The following GRAP2 variants were observed in gnomAD, a reference collection of about 807,000 sequenced individuals.
GRAP2 encodes the protein GRB2-related adapter protein 2.
Under a neutral mutation model 43.5 loss-of-function variants are expected in GRAP2, and 31 were observed. The ratio of observed to expected loss-of-function variants is 0.71; its 90% CI spans 0.54 to 0.96. GRAP2 has a LOEUF of 0.96. Ranked by LOEUF, GRAP2 falls within the 40% of genes least tolerant of loss-of-function variation. GRAP2 has a pLI of 0.00. For synonymous variants in GRAP2, 156 were observed against 164.8 expected (o/e 0.95, Z 0.41); for missense variants, 371 against 424.4 (o/e 0.87, Z 1.11).
chr22:39,921,116 T>C (rs886905262), intron 1 of GRAP2, among the ~76,000 whole-genome samples: 3 of 152,168 alleles, frequency 2.0e-5, no homozygotes, highest in Admixed American at 2.0e-4. Flanking sequence ...TGAGCTTAGC[T>C]TCAGGCCTCC....
upstream of GRAP2, among the ~76,000 whole-genome samples, chr22:39,896,937 T>C (rs2066468361): frequency 6.6e-6 from 1 of 152,196 alleles, no homozygotes; most frequent in Non-Finnish European, 1.5e-5. Context: ...CGGACACCAT[T>C]TCTCCTTCTC....
chr22:39,947,232 C>T lies in GRAP2; in HGVS notation c.78+48C>T, dbSNP rs572701613. The T allele has an allele frequency of 7.8e-5, 67 of 862,050 alleles. 1 individual carries two copies. In the South Asian group the frequency reaches 8.0e-4, roughly 10 times the overall value. 53.4% of individuals were successfully genotyped at this position (862,050 alleles called of 1,614,324 possible). A position where few individuals can be genotyped will look rare whatever the true frequency, so the allele number is the denominator to read the frequency against. ...GGAGCAGTAGGGAGTTTCAGTTACT[C>T]AGTAATCTGACAGTCCCTGCCTTTG... On this transcript the variant is annotated intron_variant, in intron 2 of 7. Coordinates refer to ENST00000344138, the MANE Select transcript of GRAP2 (RefSeq NM_004810.4).
intron 1 of GRAP2, among the ~76,000 whole-genome samples, chr22:39,942,297 G>A (rs1411588705): frequency 2.0e-5 from 3 of 152,116 alleles, no homozygotes; most frequent in Non-Finnish European, 4.4e-5. Flanking sequence ...CTCCTCTACT[G>A]TCTCCGAGAG....
chr22:39,943,830 C>G (rs1228547754), intron 1 of GRAP2, among the ~76,000 whole-genome samples: 1 of 151,552 alleles, frequency 6.6e-6, no homozygotes, highest in African/African-American at 2.4e-5. Context: ...AGTGATTCTC[C>G]TGCCTCAGCC....
chr22:39,912,424 GA>G (rs1365933490), intron 1 of GRAP2, among the ~76,000 whole-genome samples: 1 of 152,016 alleles, frequency 6.6e-6, no homozygotes, highest in South Asian at 2.1e-4. Context: ...CTTGTCTCTG[GA>G]AAAAAAGTAC....
At chr22:39,967,538 C>T (rs1009547559) in intron 5 of GRAP2, among the ~76,000 whole-genome samples, 1 of 152,176 alleles carries the variant, frequency 6.6e-6, no homozygotes. Context: ...CTTACTTCTT[C>T]CCCCACGTCC....
chr22:39,970,992 C>A lies in GRAP2; in HGVS notation c.901C>A (p.Leu301Met). The A allele has an allele frequency of 6.2e-7, 1 of 1,613,642 alleles. No individual in the cohort carries two copies. The highest frequency in any genetic ancestry group is 1.1e-5 in the South Asian group (1 of 91,020). ...GFHSGEVVEVLDSSNPSWWTG... is the reference protein window; with the variant it reads ...GFHSGEVVEVMDSSNPSWWTG... ...CCACAGCGGGGAGGTGGTGGAGGTC[C>A]TGGATAGCTCCAACCCATCCTGGTG... The change falls in exon 8 of 8, where the codon CTG becomes ATG. Residue 301 changes from leucine to methionine, a missense_variant. Coordinates refer to ENST00000344138, the MANE Select transcript of GRAP2 (RefSeq NM_004810.4).
At chr22:39,900,200 G>A (rs1225037470), upstream of GRAP2, among the ~76,000 whole-genome samples, 2 of 152,180 alleles carry the variant, frequency 1.3e-5, no homozygotes, top group Non-Finnish European at 2.9e-5. Context: ...AAAGGATGCC[G>A]TTTCACATTG....
upstream of GRAP2, among the ~76,000 whole-genome samples, chr22:39,896,771 T>C (rs117015688): frequency 5.7e-4 from 87 of 152,330 alleles, 2 homozygotes; most frequent in East Asian, 0.013. Flanking sequence ...GTCCTTCTTA[T>C]CTGCTTTCCT....
chr22:39,913,236 C>G (rs1048730041), intron 1 of GRAP2, among the ~76,000 whole-genome samples: 2 of 149,824 alleles, frequency 1.3e-5, no homozygotes, highest in African/African-American at 4.9e-5. Flanking sequence ...TGTTCAGGGA[C>G]TGGACACCAG....
chr22:39,932,523 C>A (rs939694550), intron 1 of GRAP2, among the ~76,000 whole-genome samples: 4 of 110,698 alleles, frequency 3.6e-5, no homozygotes, highest in African/African-American at 7.2e-5. Context: ...TCAGCCTGAG[C>A]AACATAGGGA....
intron 3 of GRAP2, among the ~76,000 whole-genome samples, chr22:39,957,198 A>G (rs1475938761): frequency 6.6e-6 from 1 of 152,222 alleles, no homozygotes; most frequent in African/African-American, 2.4e-5. Context: ...AGCAAGGTGC[A>G]AGAGCACCAG....
At chr22:39,912,027 G>C (rs2066570840) in intron 1 of GRAP2, among the ~76,000 whole-genome samples, 1 of 152,160 alleles carries the variant, frequency 6.6e-6, no homozygotes, top group Admixed American at 6.5e-5. Flanking sequence ...CTTCCATTTG[G>C]TGTTTATTAA....
intron 1 of GRAP2, among the ~76,000 whole-genome samples, chr22:39,937,685 A>G (rs1385390965): frequency 6.6e-6 from 1 of 152,180 alleles, no homozygotes; most frequent in Non-Finnish European, 1.5e-5. Context: ...GGGACTAAGG[A>G]TTATTATCTG....
intron 1 of GRAP2, among the ~76,000 whole-genome samples, chr22:39,931,033 G>A (rs1272091157): frequency 6.6e-6 from 1 of 152,154 alleles, no homozygotes; most frequent in African/African-American, 2.4e-5. Flanking sequence ...TGATCTCACT[G>A]GTTTGGCTGA....
intron 1 of GRAP2, among the ~76,000 whole-genome samples, chr22:39,928,540 C>T (rs1032780631): frequency 2.0e-5 from 3 of 152,216 alleles, no homozygotes; most frequent in Admixed American, 6.5e-5. Context: ...AAATCCCTGG[C>T]ATTTATGGAG....
At chr22:39,897,681 G>C (rs1444172320), upstream of GRAP2, among the ~76,000 whole-genome samples, 1 of 151,826 alleles carries the variant, frequency 6.6e-6, no homozygotes, top group Non-Finnish European at 1.5e-5. Context: ...CACCATGCCT[G>C]GCTAATTTTG....
intron 1 of GRAP2, among the ~76,000 whole-genome samples, chr22:39,941,799 A>G (rs2066873693): frequency 6.6e-6 from 1 of 152,184 alleles, no homozygotes; most frequent in Non-Finnish European, 1.5e-5. Flanking sequence ...CTCTGCACAG[A>G]AAAGGTCTGA....
At chr22:39,953,365 T>C (rs1336981704) in intron 2 of GRAP2, among the ~76,000 whole-genome samples, 1 of 152,076 alleles carries the variant, frequency 6.6e-6, no homozygotes, top group Non-Finnish European at 1.5e-5. Flanking sequence ...ACCTACTCAG[T>C]CTCCCAAGCC....
Sources: gnomAD v4.1 joint callset for allele counts (sites outside exome capture counted in the v4.1 genomes callset) on GRCh38, gnomAD v4.1.1 for gene constraint, MANE v1.5 for transcripts, NCBI Gene and HGNC (gene_info 2026-07-23, HGNC 2026-07-21) for gene names.